TPST2: variants seen among roughly 807,000 people sequenced by gnomAD.
TPST2 encodes the protein protein-tyrosine sulfotransferase 2.
Under a neutral mutation model 27.8 loss-of-function variants are expected in TPST2, and 16 were observed. The observed-to-expected ratio is 0.58, with a 90% CI of 0.39 to 0.88. The LOEUF (loss-of-function observed/expected upper bound fraction) is 0.88, where lower values mean the gene tolerates loss of function less well. Ranked by LOEUF, TPST2 falls within the 40% of genes least tolerant of loss-of-function variation. TPST2 has a pLI of 0.00. For synonymous variants in TPST2, 229 were observed against 231.7 expected (o/e 0.99, Z 0.10); for missense variants, 464 against 543.1 (o/e 0.85, Z 1.45).
chr22:26,548,614 A>AG (rs56744647), intron 1 of TPST2, among the ~76,000 whole-genome samples: 152,147 of 152,148 alleles, frequency 1, 76,073 homozygotes, highest in Middle Eastern at 1. Flanking sequence ...AGCTCATCAG[A>AG]CATTTTGGAG....
chr22:26,558,476 G>C (rs1926918131), intron 1 of TPST2, among the ~76,000 whole-genome samples: 1 of 152,204 alleles, frequency 6.6e-6, no homozygotes, highest in African/African-American at 2.4e-5. Flanking sequence ...AAAAAGGAGG[G>C]AGATGGGAGA....
chr22:26,541,319 C>A lies in TPST2; in HGVS notation c.312G>T (p.Pro104=), dbSNP rs369539546. The A allele has an allele frequency of 1.4e-5, 21 of 1,545,128 alleles. No homozygotes were observed. Among genetic ancestry groups the A allele is most frequent in the Non-Finnish European group, 1.8e-5 (21 of 1,143,854 alleles). ...VRCGEETRII[P]RVLAMRQAWS... Reference sequence around the variant, plus strand: ...AGGCCTGGCGCATGGCCAGCACGCGCGGGATGATGCGGGTCTCCTCGCCGC... The same window carrying A: ...AGGCCTGGCGCATGGCCAGCACGCGAGGGATGATGCGGGTCTCCTCGCCGC... The change falls in exon 3 of 7, where the codon CCG becomes CCT. Residue 104 remains proline (P), a synonymous_variant. Coordinates refer to ENST00000338754, the MANE Select transcript of TPST2 (RefSeq NM_003595.5). The surrounding 1 kb of genome is among the most constrained non-coding windows in gnomAD (Gnocchi z 5.9).
chr22:26,577,044 T>A (rs554963285), intron 1 of TPST2, among the ~76,000 whole-genome samples: 3 of 141,970 alleles, frequency 2.1e-5, no homozygotes, highest in Non-Finnish European at 4.5e-5. Context: ...TGCAGTGAGC[T>A]GAGATTGCGC....
intron 1 of TPST2, among the ~76,000 whole-genome samples, chr22:26,549,857 C>A (rs1346798109): frequency 7.1e-6 from 1 of 139,958 alleles, no homozygotes; most frequent in Non-Finnish European, 1.5e-5. Context: ...GGTGAAACCC[C>A]CCTCTCTACT....
chr22:26,536,091 G>A (rs1925444309), intron 4 of TPST2, 197 bp downstream of exon 4: 1 of 753,218 alleles, frequency 1.3e-6, no homozygotes, highest in African/African-American at 1.7e-5. Flanking sequence ...GCTACCAGTT[G>A]GCTTTGAGCT....
At chr22:26,570,025 A>C (rs377721702) in intron 1 of TPST2, among the ~76,000 whole-genome samples, 194 of 125,904 alleles carry the variant, frequency 1.5e-3, no homozygotes, top group Non-Finnish European at 2.1e-3. Context: ...GAAAGAAAGA[A>C]AGAAAGAAAG....
intron 1 of TPST2, among the ~76,000 whole-genome samples, chr22:26,576,775 A>T (rs1471861155): frequency 1.3e-5 from 2 of 151,982 alleles, no homozygotes; most frequent in Non-Finnish European, 2.9e-5. Context: ...GTTCAAGACC[A>T]GCCTGGGCAA....
At chr22:26,539,857 A>G (rs556278537) in intron 3 of TPST2, among the ~76,000 whole-genome samples, 1 of 152,348 alleles carries the variant, frequency 6.6e-6, no homozygotes, top group South Asian at 2.1e-4. Context: ...GTGTAGCCTG[A>G]GGCCAGTAAC....
intron 3 of TPST2, among the ~76,000 whole-genome samples, chr22:26,539,029 G>A (rs1925644929): frequency 6.6e-6 from 1 of 152,230 alleles, no homozygotes; most frequent in African/African-American, 2.4e-5. Context: ...CTTCTTTGGT[G>A]TATCTTTTCT....
chr22:26,583,033 G>A (rs749214692), intron 1 of TPST2, among the ~76,000 whole-genome samples: 41 of 150,684 alleles, frequency 2.7e-4, no homozygotes, highest in Non-Finnish European at 2.8e-4. Flanking sequence ...GATCGCTTGA[G>A]CCTGGGAGGC....
At chr22:26,581,369 A>G (rs1378917827) in intron 1 of TPST2, among the ~76,000 whole-genome samples, 1 of 152,204 alleles carries the variant, frequency 6.6e-6, no homozygotes, top group African/African-American at 2.4e-5. Flanking sequence ...ACATCCTCTC[A>G]GAACCCAGCA....
intron 1 of TPST2, among the ~76,000 whole-genome samples, chr22:26,562,886 G>T (rs943866023): frequency 2.0e-5 from 3 of 151,930 alleles, no homozygotes; most frequent in African/African-American, 2.4e-5. Flanking sequence ...GCCTCCCAAA[G>T]TGCTGGGACC....
chr22:26,581,287 T>C (rs2032520), intron 1 of TPST2, among the ~76,000 whole-genome samples: 50,902 of 152,014 alleles, frequency 0.33, 9,028 homozygotes, highest in Admixed American at 0.43. Flanking sequence ...CTTAGCATCC[T>C]GTGTGGCTTC....
At chr22:26,573,143 C>T (rs993370959) in intron 1 of TPST2, among the ~76,000 whole-genome samples, 1 of 152,238 alleles carries the variant, frequency 6.6e-6, no homozygotes, top group Non-Finnish European at 1.5e-5. Context: ...AAGCAATCTT[C>T]CCACCTCAGC....
intron 1 of TPST2, among the ~76,000 whole-genome samples, chr22:26,567,461 TC>T (rs1416838588): frequency 6.6e-6 from 1 of 152,174 alleles, no homozygotes; most frequent in East Asian, 1.9e-4. Context: ...GGCTTCCTCA[TC>T]CCAGCAAAAG....
At chr22:26,558,903 G>A (rs1050351852) in intron 1 of TPST2, among the ~76,000 whole-genome samples, 10 of 152,220 alleles carry the variant, frequency 6.6e-5, no homozygotes, top group African/African-American at 2.4e-4. Flanking sequence ...GTTGCGCTGT[G>A]CTAAGCCACA....
At chr22:26,551,808 A>C (rs1241128763) in intron 1 of TPST2, among the ~76,000 whole-genome samples, 1 of 151,984 alleles carries the variant, frequency 6.6e-6, no homozygotes, top group Non-Finnish European at 1.5e-5. Context: ...GGAACTATGT[A>C]ACTTCCATCA....
intron 1 of TPST2, among the ~76,000 whole-genome samples, chr22:26,563,095 C>T (rs980133011): frequency 1.3e-5 from 2 of 152,144 alleles, no homozygotes; most frequent in African/African-American, 4.8e-5. Flanking sequence ...TTCTACATAG[C>T]CTCCTGAAAC....
chr22:26,561,629 T>A (rs940850169), intron 1 of TPST2, among the ~76,000 whole-genome samples: 4 of 152,190 alleles, frequency 2.6e-5, no homozygotes, highest in Non-Finnish European at 5.9e-5. Context: ...AAAAAAGATA[T>A]TGCATGTGAA....
Sources: allele counts gnomAD v4.1 joint callset (sites outside exome capture counted in the v4.1 genomes callset), GRCh38; gene constraint gnomAD v4.1.1; non-coding constraint Gnocchi (gnomAD v3.1); transcripts MANE v1.5; gene names NCBI Gene and HGNC (gene_info 2026-07-23, HGNC 2026-07-21).